The following ELOVL7 variants were observed in gnomAD, a reference collection of about 807,000 sequenced individuals.
The protein encoded by ELOVL7 is very long chain fatty acid elongase 7.
ELOVL7 carries 27 observed loss-of-function variants against 35.7 expected under a neutral mutation model. The ratio of observed to expected loss-of-function variants is 0.76; its 90% CI spans 0.56 to 1.04. The LOEUF is 1.04. Among genes scored for constraint, ELOVL7 ranks in the 50% least tolerant of loss-of-function variants. The pLI is 0.00. For synonymous variants in ELOVL7, 113 were observed against 114.6 expected (o/e 0.99, Z 0.09); for missense variants, 327 against 340.8 (o/e 0.96, Z 0.32).
intron 1 of ELOVL7, among the ~76,000 whole-genome samples, chr5:60,811,040 T>C (rs1250871886): frequency 6.6e-6 from 1 of 152,232 alleles, no homozygotes; most frequent in South Asian, 2.1e-4. Flanking sequence ...CTTTCTGTTG[T>C]CTAACTGTAT....
chr5:60,760,460 T>G (rs1741836078), intron 7 of ELOVL7, among the ~76,000 whole-genome samples: 1 of 152,254 alleles, frequency 6.6e-6, no homozygotes, highest in African/African-American at 2.4e-5. Flanking sequence ...TCTGTTCATG[T>G]CCTTCGCCCA....
chr5:60,835,047 G>T (rs754833025), intron 1 of ELOVL7, among the ~76,000 whole-genome samples: 2 of 151,502 alleles, frequency 1.3e-5, no homozygotes, highest in Non-Finnish European at 2.9e-5. Context: ...AAAATTAGCC[G>T]GGCGTGGTGG....
At chr5:60,805,260 C>T (rs1029720531) in intron 1 of ELOVL7, among the ~76,000 whole-genome samples, 1 of 152,154 alleles carries the variant, frequency 6.6e-6, no homozygotes, top group African/African-American at 2.4e-5. Context: ...GACAATGATA[C>T]AGTAGGAAAC....
At chr5:60,843,769 G>A (rs1220837340) in intron 1 of ELOVL7, among the ~76,000 whole-genome samples, 1 of 152,002 alleles carries the variant, frequency 6.6e-6, no homozygotes, top group Non-Finnish European at 1.5e-5. Context: ...GCTCCGCAGG[G>A]CCAGCGCCGC....
intron 2 of ELOVL7, among the ~76,000 whole-genome samples, chr5:60,788,218 T>C (rs2112241554): frequency 6.6e-6 from 1 of 152,296 alleles, no homozygotes; most frequent in Admixed American, 6.5e-5. Context: ...ACCTAAGATG[T>C]ATATTTTACC....
intron 2 of ELOVL7, among the ~76,000 whole-genome samples, chr5:60,796,511 A>G (rs1184061342): frequency 2.0e-5 from 3 of 152,184 alleles, no homozygotes; most frequent in Non-Finnish European, 4.4e-5. Context: ...GATCAAAAAC[A>G]TTTCCAGAAA....
intron 1 of ELOVL7, among the ~76,000 whole-genome samples, chr5:60,818,438 C>T (rs560875675): frequency 1.5e-3 from 231 of 151,706 alleles, no homozygotes; most frequent in Non-Finnish European, 1.5e-3. Context: ...CTTGTATGTG[C>T]GCAAATCTCT....
chr5:60,783,095 C>T (rs745784011), intron 3 of ELOVL7, among the ~76,000 whole-genome samples: 1 of 151,880 alleles, frequency 6.6e-6, no homozygotes, highest in Non-Finnish European at 1.5e-5. Flanking sequence ...AATTGGTGAC[C>T]GTGATGAACT....
At chr5:60,843,144 C>A (rs965365754) in intron 1 of ELOVL7, among the ~76,000 whole-genome samples, 5 of 151,984 alleles carry the variant, frequency 3.3e-5, no homozygotes, top group Non-Finnish European at 5.9e-5. Context: ...GAGGGGAGAT[C>A]GTAGCAAGAG....
At chr5:60,839,521 C>A (rs1747034933) in intron 1 of ELOVL7, among the ~76,000 whole-genome samples, 1 of 152,168 alleles carries the variant, frequency 6.6e-6, no homozygotes, top group Non-Finnish European at 1.5e-5. Context: ...TAGTTTTCAA[C>A]TTTTTGCAAC....
At chr5:60,802,184 T>C (rs1338206980) in intron 1 of ELOVL7, among the ~76,000 whole-genome samples, 3 of 149,650 alleles carry the variant, frequency 2.0e-5, no homozygotes, top group African/African-American at 7.4e-5. Context: ...TACAGACTTG[T>C]GAGTTTGTCA....
chr5:60,779,902 T>C (rs1351538968), intron 3 of ELOVL7, among the ~76,000 whole-genome samples: 1 of 152,168 alleles, frequency 6.6e-6, no homozygotes, highest in East Asian at 1.9e-4. Context: ...TACCCTAAAT[T>C]ATCTCTCTCA....
intron 1 of ELOVL7, among the ~76,000 whole-genome samples, chr5:60,808,903 T>C (rs1052574756): frequency 3.9e-5 from 6 of 152,230 alleles, no homozygotes; most frequent in African/African-American, 1.4e-4. Context: ...TATGAAATTC[T>C]GGAGAAAGCT....
At chr5:60,840,847 C>G (rs967057692) in intron 1 of ELOVL7, among the ~76,000 whole-genome samples, 1 of 152,020 alleles carries the variant, frequency 6.6e-6, no homozygotes. Context: ...ATTACTATAA[C>G]TTAGGTTGTT....
intron 7 of ELOVL7, among the ~76,000 whole-genome samples, chr5:60,758,012 T>C (rs1741650046): frequency 6.6e-6 from 1 of 152,170 alleles, no homozygotes; most frequent in Non-Finnish European, 1.5e-5. Flanking sequence ...ACAAAGTACA[T>C]TAATCTTAAC....
chr5:60,759,907 C>A (rs1741785624), intron 7 of ELOVL7, among the ~76,000 whole-genome samples: 1 of 151,946 alleles, frequency 6.6e-6, no homozygotes, highest in Non-Finnish European at 1.5e-5. Flanking sequence ...TTTGTTCTTG[C>A]AATAGTTTAC....
At chr5:60,813,458 C>T (rs1003579230) in intron 1 of ELOVL7, among the ~76,000 whole-genome samples, 1 of 152,062 alleles carries the variant, frequency 6.6e-6, no homozygotes, top group African/African-American at 2.4e-5. Flanking sequence ...TCCCCTTTCC[C>T]TATTCTAAAT....
At chr5:60,830,094 A>G (rs1258344280) in intron 1 of ELOVL7, among the ~76,000 whole-genome samples, 13 of 152,126 alleles carry the variant, frequency 8.5e-5, no homozygotes, top group Non-Finnish European at 1.9e-4. Flanking sequence ...GCTCACAACC[A>G]CAGCTCAGGG....
chr5:60,839,266 G>A (rs780122936), intron 1 of ELOVL7, among the ~76,000 whole-genome samples: 17 of 151,662 alleles, frequency 1.1e-4, no homozygotes, highest in Non-Finnish European at 1.8e-4. Context: ...GAGAATCACC[G>A]AACCTGGGAG....
Sources: allele counts gnomAD v4.1 joint callset (sites outside exome capture counted in the v4.1 genomes callset), GRCh38; gene constraint gnomAD v4.1.1; transcripts MANE v1.5; gene names NCBI Gene and HGNC (gene_info 2026-07-23, HGNC 2026-07-21).